Variants in MTUS2 observed in about 807,000 individuals in gnomAD.
The protein encoded by MTUS2 is microtubule-associated tumor suppressor candidate 2.
A neutral mutation model predicts 114.1 loss-of-function variants in MTUS2; 40 were observed. The observed-to-expected ratio is 0.35, with a 90% CI of 0.27 to 0.46. The LOEUF (loss-of-function observed/expected upper bound fraction) is 0.46. MTUS2 is among the 20% of genes least tolerant of loss of function. The pLI, the probability that MTUS2 is intolerant of heterozygous loss-of-function variation, is 1.00. For missense variants in MTUS2, 1,679 were observed against 1,705.4 expected (o/e 0.98, Z 0.27); for synonymous variants, 688 against 672.0 (o/e 1.02, Z -0.37).
intron 1 of MTUS2, 104 bp downstream of exon 1, chr13:28,820,715 G>A (rs1873835844): frequency 6.6e-6 from 1 of 152,472 alleles, no homozygotes; most frequent in African/African-American, 2.4e-5. Context: ...GCGCGCAGCC[G>A]GGCTCGGGGC....
intron 8 of MTUS2, among the ~76,000 whole-genome samples, chr13:29,401,549 AG>A (rs1300276069): frequency 1.3e-5 from 2 of 152,090 alleles, no homozygotes; most frequent in Non-Finnish European, 2.9e-5. Context: ...CTTGAGATAG[AG>A]GGGTTTTTTC....
chr13:29,486,550 T>C (rs1007413071), intron 10 of MTUS2, among the ~76,000 whole-genome samples: 8 of 152,182 alleles, frequency 5.3e-5, no homozygotes, highest in African/African-American at 1.9e-4. Flanking sequence ...AATGTCTTCT[T>C]AACTGGGCCA....
intron 5 of MTUS2, among the ~76,000 whole-genome samples, chr13:29,157,367 C>T (rs1469825613): frequency 6.6e-6 from 1 of 152,126 alleles, no homozygotes; most frequent in East Asian, 1.9e-4. Flanking sequence ...TACTCACCAG[C>T]CCTTGGTGTT....
At chr13:29,460,343 A>C (rs117743620) in intron 9 of MTUS2, among the ~76,000 whole-genome samples, 1 of 152,208 alleles carries the variant, frequency 6.6e-6, no homozygotes, top group Non-Finnish European at 1.5e-5. Flanking sequence ...ATGGCTGCCA[A>C]TATTAGGACT....
In MTUS2 at chr13:29,025,599, T is replaced by C. The variant is rs1378422439; in HGVS notation, c.901T>C (p.Leu301=). Residue 301 remains leucine, a synonymous_variant, in exon 3 of 16, where the codon TTA becomes CTA. Coordinates refer to ENST00000612955, the MANE Select transcript of MTUS2 (RefSeq NM_001033602.4). ...KEIPSKLEAQ[L]GQGKGEAKLD... is the part of the protein sequence containing the mutation. ...AATCCCAAGTAAACTGGAAGCACAA[T>C]TAGGTCAGGGAAAGGGAGAGGCCAA... The C allele has an allele frequency of 6.2e-7, 1 of 1,613,732 alleles. No individual in the cohort carries two copies. The highest frequency in any genetic ancestry group is 8.5e-7 in the Non-Finnish European group (1 of 1,179,858).
chr13:29,170,105 G>T (rs1019755425), intron 5 of MTUS2, among the ~76,000 whole-genome samples: 55 of 1,208 alleles, frequency 0.046, no homozygotes, highest in African/African-American at 0.067. Flanking sequence ...TGAGAACCAT[G>T]GTGGAGGGAC....
chr13:29,243,897 T>C (rs1477085148), intron 5 of MTUS2, among the ~76,000 whole-genome samples: 1 of 152,208 alleles, frequency 6.6e-6, no homozygotes, highest in African/African-American at 2.4e-5. Flanking sequence ...GGATAATTGA[T>C]AGAATGGTAT....
intron 2 of MTUS2, among the ~76,000 whole-genome samples, chr13:28,871,912 G>A (rs554044878): frequency 2.6e-5 from 4 of 152,276 alleles, no homozygotes; most frequent in African/African-American, 4.8e-5. Context: ...GAGGGATCAA[G>A]GATCTACAGA....
chr13:29,367,137 C>A (rs770515999), intron 8 of MTUS2, among the ~76,000 whole-genome samples: 1 of 152,076 alleles, frequency 6.6e-6, no homozygotes, highest in Non-Finnish European at 1.5e-5. Flanking sequence ...TCATGGACAA[C>A]AGAGTGGACT....
chr13:29,058,778 T>C (rs572346044), intron 4 of MTUS2, among the ~76,000 whole-genome samples: 2 of 148,534 alleles, frequency 1.3e-5, no homozygotes, highest in East Asian at 4.0e-4. Context: ...GTGTTCTCAT[T>C]GTTCAATTCC....
At chr13:29,282,324 T>A (rs1310324546) in intron 6 of MTUS2, among the ~76,000 whole-genome samples, 2 of 152,220 alleles carry the variant, frequency 1.3e-5, no homozygotes, top group African/African-American at 4.8e-5. Context: ...GATCCAGGGA[T>A]GGATCCACTA....
In MTUS2 at chr13:29,480,717, TTC is replaced by T. The variant is rs1283692577; in HGVS notation, c.3399+355_3399+356del. On this transcript the variant is annotated intron_variant, in intron 10 of 15. Coordinates refer to ENST00000612955, the MANE Select transcript of MTUS2 (RefSeq NM_001033602.4). The surrounding 1 kb of genome is among the most constrained non-coding windows in gnomAD (Gnocchi z 4.4). ...CCTCCCCCAACCACATACACACTCT[TTC>T]TGTCCCCCTCCCAGTATTAGTGTTC... Among the ~76,000 whole-genome samples the T allele has an allele frequency of 2.0e-5, 3 of 152,120 alleles. No individual in the cohort carries two copies. The highest frequency in any genetic ancestry group is 2.9e-5 in the Non-Finnish European group (2 of 68,020).
Position 29,025,161 on chromosome 13 carries a change from C to G in MTUS2, c.463C>G (p.Pro155Ala), listed in dbSNP as rs868384298. 2 of 1,613,910 alleles carry G rather than the reference C, an allele frequency of 1.2e-6. No homozygotes were observed. Among genetic ancestry groups the G allele is most frequent in the East Asian group, 4.5e-5 (2 of 44,876 alleles). The change falls in exon 3 of 16, where the codon CCC becomes GCC. Residue 155 changes from proline (P) to alanine (A), a missense_variant. Transcript: ENST00000612955. ...DVLAKRDAEI[P>A]RHVPKDKLAK... is the part of the protein sequence containing the mutation. Reference sequence around the variant, plus strand: ...TTTGGCTAAAAGGGATGCTGAAATTCCCCGGCATGTTCCCAAGGATAAACT... The same window carrying G: ...TTTGGCTAAAAGGGATGCTGAAATTGCCCGGCATGTTCCCAAGGATAAACT...
chr13:28,836,379 G>A (rs914748355), intron 1 of MTUS2, among the ~76,000 whole-genome samples: 5 of 152,114 alleles, frequency 3.3e-5, no homozygotes, highest in Admixed American at 2.6e-4. Flanking sequence ...ACACAGCATG[G>A]TATACTGGTT....
At chr13:29,313,562 T>C (rs1899862345) in intron 6 of MTUS2, among the ~76,000 whole-genome samples, 1 of 152,300 alleles carries the variant, frequency 6.6e-6, no homozygotes, top group Middle Eastern at 3.4e-3. Flanking sequence ...TATGTCTACA[T>C]GTATATGTGT....
At chr13:28,857,451 A>T (rs1876705767) in intron 2 of MTUS2, among the ~76,000 whole-genome samples, 1 of 152,210 alleles carries the variant, frequency 6.6e-6, no homozygotes, top group South Asian at 2.1e-4. Context: ...AGAAAAGGTA[A>T]AGATACTGCA....
chr13:29,498,592 C>T, intron 14 of MTUS2, 55 bp downstream of exon 14: 1 of 1,606,588 alleles, frequency 6.2e-7, no homozygotes, highest in Non-Finnish European at 8.5e-7. Flanking sequence ...CTGCTGTCAT[C>T]ACTGATGTCA....
chr13:29,311,936 G>C (rs1899784591), intron 6 of MTUS2, among the ~76,000 whole-genome samples: 1 of 152,144 alleles, frequency 6.6e-6, no homozygotes, highest in East Asian at 1.9e-4. Context: ...TAGAGGGCTA[G>C]AGACAATGTA....
At chr13:29,098,369 A>G (rs530214606) in intron 4 of MTUS2, among the ~76,000 whole-genome samples, 1 of 152,314 alleles carries the variant, frequency 6.6e-6, no homozygotes, top group African/African-American at 2.4e-5. Flanking sequence ...AACTTAGTGT[A>G]TGATATAGGT....
Sources: allele counts gnomAD v4.1 joint callset (sites outside exome capture counted in the v4.1 genomes callset), GRCh38; gene constraint gnomAD v4.1.1; non-coding constraint Gnocchi (gnomAD v3.1); transcripts MANE v1.5; gene names NCBI Gene and HGNC (gene_info 2026-07-23, HGNC 2026-07-21).